Variants in PCDH15 observed in about 807,000 individuals in gnomAD.
PCDH15 encodes protocadherin related 15, also known as protocadherin-15.
In PCDH15, 129 loss-of-function variants were observed where a neutral mutation model predicts 178.5. That is an observed-to-expected ratio of 0.72 (90% CI 0.63 to 0.84). The LOEUF is 0.84. PCDH15 is among the 40% of genes least tolerant of loss of function. PCDH15 has a pLI of 0.00. For missense variants in PCDH15, 2,230 were observed against 2,099.9 expected (o/e 1.06, Z -1.21); for synonymous variants, 800 against 732.0 (o/e 1.09, Z -1.50).
At chr10:55,136,263 C>T (rs1383974682) in intron 2 of PCDH15, among the ~76,000 whole-genome samples, 1 of 152,096 alleles carries the variant, frequency 6.6e-6, no homozygotes, top group African/African-American at 2.4e-5. Context: ...TTAGATACTA[C>T]ATTTGCTGGC....
intron 3 of PCDH15, among the ~76,000 whole-genome samples, chr10:54,503,225 A>ATATGTGTG (rs1555012019): frequency 2.4e-5 from 2 of 83,778 alleles, no homozygotes; most frequent in African/African-American, 3.8e-5. Context: ...ATACATATAT[A>ATATGTGTG]TGTGTGTGTG....
chr10:54,134,930 G>T (rs115176973), intron 14 of PCDH15, among the ~76,000 whole-genome samples: 4,822 of 151,574 alleles, frequency 0.032, 115 homozygotes, highest in South Asian at 0.085. Flanking sequence ...TTCATGGTTG[G>T]GTGCGGTGGC....
At chr10:55,048,715 A>C (rs983823437) in intron 2 of PCDH15, among the ~76,000 whole-genome samples, 2 of 151,794 alleles carry the variant, frequency 1.3e-5, no homozygotes, top group Non-Finnish European at 2.9e-5. Context: ...TGTTTTTATT[A>C]ATATATTTTT....
Position 55,027,140 on chromosome 10 carries a change from C to A in PCDH15, c.-79-129640G>T, listed in dbSNP as rs547409853. Among the ~76,000 whole-genome samples the A allele has an allele frequency of 3.0e-4, 33 of 109,390 alleles. No individual in the cohort carries two copies. In the South Asian group the frequency reaches 0.01, roughly 33 times the overall value. 71.8% of individuals were successfully genotyped at this position (109,390 alleles called of 152,430 possible). On this transcript the variant is annotated intron_variant, in intron 2 of 5. Transcript: ENST00000458638. ...CAAATTTTTAAAATAGTTTTTAAAT[C>A]ATGAAAAATAAGATAATGCAATAAC...
chr10:55,414,558 C>A (rs190068809), intron 2 of PCDH15, among the ~76,000 whole-genome samples: 13 of 151,668 alleles, frequency 8.6e-5, no homozygotes, highest in African/African-American at 3.1e-4. Context: ...CAATTTAATT[C>A]TCAATGCTTT....
At chr10:54,189,005 CT>C (rs1373249626) in intron 11 of PCDH15, among the ~76,000 whole-genome samples, 1 of 151,866 alleles carries the variant, frequency 6.6e-6, no homozygotes, top group Non-Finnish European at 1.5e-5. Context: ...CAATTTCAAA[CT>C]TACAATGTTT....
intron 3 of PCDH15, among the ~76,000 whole-genome samples, chr10:54,419,079 C>T (rs1758816): frequency 0.73 from 111,238 of 151,784 alleles, 42,144 homozygotes; most frequent in African/African-American, 0.86. Context: ...GTCAATACAA[C>T]TGATAATCTC....
chr10:54,865,399 G>T (rs111995321), intron 3 of PCDH15, among the ~76,000 whole-genome samples: 1 of 152,294 alleles, frequency 6.6e-6, no homozygotes, highest in African/African-American at 2.4e-5. Flanking sequence ...CACACTGAAG[G>T]CTGTGCTGAC....
chr10:55,450,955 C>CTATATATATATATA (rs56986885), intron 2 of PCDH15, among the ~76,000 whole-genome samples: 1,349 of 122,154 alleles, frequency 0.011, 26 homozygotes, highest in African/African-American at 0.023. Flanking sequence ...GGGGTAAGAA[C>CTATATATATATATA]TATATATATA....
intron 2 of PCDH15, among the ~76,000 whole-genome samples, chr10:55,494,998 G>C (rs1292960987): frequency 1.3e-5 from 2 of 151,844 alleles, no homozygotes; most frequent in Middle Eastern, 6.8e-3. Flanking sequence ...TTGTTGACAA[G>C]GGTGTCAAAA....
intron 18 of PCDH15, 47 bp from the exon 19 acceptor site, chr10:54,023,244 G>T: frequency 6.4e-7 from 1 of 1,551,494 alleles, no homozygotes; most frequent in East Asian, 2.3e-5. Flanking sequence ...AAGTTTTGAC[G>T]GGCTACTGTA....
chr10:54,583,660 A>C (rs898013226), intron 2 of PCDH15, among the ~76,000 whole-genome samples: 1 of 152,168 alleles, frequency 6.6e-6, no homozygotes, highest in African/African-American at 2.4e-5. Flanking sequence ...TTCTACTAAA[A>C]AAAAGTTCAT....
chr10:54,481,095 T>C (rs1411571254), intron 3 of PCDH15, among the ~76,000 whole-genome samples: 2 of 151,856 alleles, frequency 1.3e-5, no homozygotes, highest in African/African-American at 4.8e-5. Flanking sequence ...AATTTCTGAA[T>C]TGAAAAGAAT....
In PCDH15 at chr10:55,057,763, G is replaced by GAGA. The variant is rs1841339149; in HGVS notation, c.-80+108810_-80+108812dup. ...TTTCTCCTTTTCAATCCTCCTACTGGAGAAATTCAAGCCAAAAGAACTCAA... is the reference window on the plus strand; with the variant it reads ...TTTCTCCTTTTCAATCCTCCTACTGGAGAAGAAATTCAAGCCAAAAGAACTCAA... On this transcript the variant is annotated intron_variant, in intron 2 of 5. Transcript: ENST00000458638. 2.0e-5 allele frequency among the ~76,000 whole-genome samples: 3 copies of GAGA among 152,116 alleles called. No individual in the cohort carries two copies. The South Asian group carries it at 6.2e-4, about 32-fold the overall frequency.
chr10:54,316,556 ACACACACACACACACAC>A (rs2061287457), intron 8 of PCDH15, among the ~76,000 whole-genome samples: 1 of 114,690 alleles, frequency 8.7e-6, no homozygotes, highest in African/African-American at 3.0e-5. Flanking sequence ...ACACACACAC[ACACACACACACACACAC>A]ACAAATACAC....
intron 1 of PCDH15, among the ~76,000 whole-genome samples, chr10:54,767,700 C>A (rs1226071882): frequency 6.6e-6 from 1 of 152,050 alleles, no homozygotes; most frequent in Non-Finnish European, 1.5e-5. Context: ...ATATACCTCC[C>A]CCAAGCACTA....
At chr10:54,312,344 T>C (rs1018211544) in intron 8 of PCDH15, among the ~76,000 whole-genome samples, 1 of 152,096 alleles carries the variant, frequency 6.6e-6, no homozygotes, top group African/African-American at 2.4e-5. Flanking sequence ...AAAAACCTGA[T>C]GCCAGTACTA....
chr10:54,627,501 C>T (rs2093588568), intron 2 of PCDH15, among the ~76,000 whole-genome samples: 1 of 152,122 alleles, frequency 6.6e-6, no homozygotes, highest in Non-Finnish European at 1.5e-5. Context: ...CTGCCATCCA[C>T]ATAAGATGTG....
At chr10:55,143,511 T>G (rs1838410612) in intron 2 of PCDH15, among the ~76,000 whole-genome samples, 1 of 152,154 alleles carries the variant, frequency 6.6e-6, no homozygotes, top group African/African-American at 2.4e-5. Flanking sequence ...ACTTTATCGT[T>G]TTCCTTTTGA....
Sources: gnomAD v4.1 joint callset for allele counts (sites outside exome capture counted in the v4.1 genomes callset) on GRCh38, gnomAD v4.1.1 for gene constraint, MANE v1.5 for transcripts, NCBI Gene and HGNC (gene_info 2026-07-23, HGNC 2026-07-21) for gene names.